EXD1: variants seen among roughly 807,000 people sequenced by gnomAD.
The protein encoded by EXD1 is exonuclease 3'-5' domain containing 1.
Under a neutral mutation model 49.1 loss-of-function variants are expected in EXD1, and 63 were observed. The ratio of observed to expected loss-of-function variants is 1.28; its 90% CI spans 1.05 to 1.58. The LOEUF is 1.58. Ranked by LOEUF, EXD1 falls within the 40% of genes most tolerant of loss-of-function variation. The pLI is 0.00. For missense variants in EXD1, 748 were observed against 666.0 expected (o/e 1.12, Z -1.36); for synonymous variants, 234 against 239.2 (o/e 0.98, Z 0.20).
rs372750856 is a variant in EXD1, at chr15:41,188,342, C to G, written c.1056+1595G>C. ...TCCCTCTCCCTCCTCTTCCCCCTCC[C>G]CTTGTCCCCTCCACTCTCCTCCCTT... On this transcript the variant is annotated intron_variant, in intron 11 of 11. Transcript: ENST00000458580. Among the ~76,000 whole-genome samples the G allele has an allele frequency of 5.6e-4, 84 of 150,992 alleles. 2 individuals carry two copies. In the South Asian group the frequency reaches 0.017, roughly 30 times the overall value.
intron 9 of EXD1, among the ~76,000 whole-genome samples, chr15:41,194,375 T>G (rs763138114): frequency 1.8e-4 from 27 of 151,942 alleles, no homozygotes; most frequent in Admixed American, 3.3e-4. Context: ...GAGAAGGTGA[T>G]GTGATGATGG....
rs1401499425 is a variant in EXD1 at position 41,183,958 on chromosome 15, C to T, written c.1692G>A (p.Trp564Ter). 2.5e-6 allele frequency: 4 copies of T among 1,605,156 alleles called. No individual in the cohort carries two copies. The highest frequency in any genetic ancestry group is 3.4e-6 in the Non-Finnish European group (4 of 1,175,494). Residue 564 changes from tryptophan to a stop codon, truncating the protein, a stop_gained, in exon 12 of 12, where the codon TGG becomes TGA. Coordinates refer to ENST00000458580, the MANE Select transcript of EXD1 (RefSeq NM_001286441.2). LOFTEE classifies it high-confidence loss of function. ...AGGGCAGATTTAGAAAAGGACTTAT[C>T]CAGGAATCGATCTTCTCCAAGGCTG... ...PCPALEKIDS[W>*]ISPFLNLP
chr15:41,192,531 G>A (rs1266560944), intron 9 of EXD1, among the ~76,000 whole-genome samples: 2 of 147,934 alleles, frequency 1.4e-5, no homozygotes, highest in African/African-American at 2.5e-5. Context: ...TCTTGACCTC[G>A]TGATCCGCCC....
chr15:41,184,200 G>A lies in EXD1; in HGVS notation c.1450C>T (p.Gln484Ter), dbSNP rs775497402. ...TTGGGTGTCATAAAGTGTTCTTTCTGAGTTATTCTCTGGTCCTCTGACCCC... is the reference window on the plus strand; with the variant it reads ...TTGGGTGTCATAAAGTGTTCTTTCTAAGTTATTCTCTGGTCCTCTGACCCC... ...SKGSEDQRIT[Q>*]KEHFMTPKHE... The change falls in exon 12 of 12, where the codon CAG (glutamine) becomes TAG (stop). Residue 484 changes from glutamine to a stop codon, truncating the protein, a stop_gained. Transcript: ENST00000458580. LOFTEE classifies it low-confidence loss of function (END_TRUNC). The A allele has an allele frequency of 7.4e-6, 12 of 1,614,166 alleles. No individual in the cohort carries two copies. In the Admixed American group the frequency reaches 1.8e-4, roughly 25 times the overall value.
chr15:41,208,442 A>G (rs8025660), intron 7 of EXD1, among the ~76,000 whole-genome samples: 15,346 of 151,068 alleles, frequency 0.1, 1,098 homozygotes, highest in East Asian at 0.2. Context: ...CTATTCTTCA[A>G]GGCTAACTAC....
chr15:41,217,490 A>T (rs1387016028), intron 3 of EXD1, among the ~76,000 whole-genome samples: 1 of 148,500 alleles, frequency 6.7e-6, no homozygotes, highest in African/African-American at 2.5e-5. Context: ...CCCAATCCTA[A>T]TGCACCTTCC....
At chr15:41,223,054 G>C (rs1461226584) in intron 2 of EXD1, among the ~76,000 whole-genome samples, 1 of 148,706 alleles carries the variant, frequency 6.7e-6, no homozygotes, top group Non-Finnish European at 1.5e-5. Flanking sequence ...GGGCTTAAGT[G>C]ATCCACCCAC....
chr15:41,199,599 A>G (rs1175032514), intron 7 of EXD1, among the ~76,000 whole-genome samples: 1 of 80,560 alleles, frequency 1.2e-5, no homozygotes, highest in Non-Finnish European at 2.1e-5. Context: ...TGTTTTATAT[A>G]TATTATATAT....
Position 41,219,875 on chromosome 15 carries a change from T to A in EXD1, c.157A>T (p.Ser53Cys). 6.5e-7 allele frequency: 1 copy of A among 1,535,698 alleles called. No homozygotes were observed. Among genetic ancestry groups the A allele is most frequent in the Non-Finnish European group, 8.7e-7 (1 of 1,146,714 alleles). The change falls in exon 3 of 12, where the codon AGT (serine) becomes TGT (cysteine). Residue 53 changes from serine to cysteine, a missense_variant. Coordinates refer to ENST00000458580, the MANE Select transcript of EXD1 (RefSeq NM_001286441.2). ...KKVKNVETGRSVPGVKLFFGH... is the reference protein window; with the variant it reads ...KKVKNVETGRCVPGVKLFFGH... ...AAAAACAACTTCACTCCTGGGACAC[T>A]TCGACCTGTCTCCACATTCTTCACT...
At chr15:41,210,873 C>A (rs1004570449) in intron 6 of EXD1, among the ~76,000 whole-genome samples, 1 of 152,114 alleles carries the variant, frequency 6.6e-6, no homozygotes, top group Non-Finnish European at 1.5e-5. Flanking sequence ...ACACTAGCAA[C>A]ATATCTCCCT....
intron 7 of EXD1, among the ~76,000 whole-genome samples, chr15:41,198,561 C>A (rs1417084715): frequency 1.3e-5 from 2 of 151,858 alleles, no homozygotes; most frequent in African/African-American, 4.8e-5. Flanking sequence ...CATGGTGGTG[C>A]ACCTGTGGTC....
At chr15:41,229,668 T>A (rs1374088593) in intron 1 of EXD1, among the ~76,000 whole-genome samples, 1 of 152,132 alleles carries the variant, frequency 6.6e-6, no homozygotes, top group Admixed American at 6.6e-5. Flanking sequence ...CTAGGGAGTC[T>A]GAGGCAGGAG....
At chr15:41,187,650 C>G (rs1260994294) in intron 11 of EXD1, among the ~76,000 whole-genome samples, 1 of 152,084 alleles carries the variant, frequency 6.6e-6, no homozygotes, top group Non-Finnish European at 1.5e-5. Context: ...TTTTGTCACA[C>G]TGAACCATGC....
intron 3 of EXD1, 140 bp downstream of exon 3, chr15:41,219,690 G>A: frequency 3.1e-6 from 2 of 646,108 alleles, no homozygotes; most frequent in Non-Finnish European, 2.6e-6. Context: ...TACTCATAGA[G>A]TACCCACAGA....
chr15:41,195,126 G>C (rs1242147527), intron 9 of EXD1, among the ~76,000 whole-genome samples: 1 of 152,180 alleles, frequency 6.6e-6, no homozygotes, highest in Admixed American at 6.6e-5. Flanking sequence ...AGAGCTAGTA[G>C]AGGTTCATGC....
chr15:41,211,794 T>TGAAAAAAAA (rs2046924933), intron 6 of EXD1, among the ~76,000 whole-genome samples: 1 of 108,934 alleles, frequency 9.2e-6, no homozygotes, highest in Non-Finnish European at 1.7e-5. Flanking sequence ...ACCTCATTTC[T>TGAAAAAAAA]TAAAAAAAAA....
chr15:41,205,815 G>A (rs1403218940), intron 7 of EXD1, among the ~76,000 whole-genome samples: 3 of 151,204 alleles, frequency 2.0e-5, no homozygotes, highest in Admixed American at 6.6e-5. Flanking sequence ...GAAGAGAAAC[G>A]ATTCTCCTTG....
chr15:41,206,474 GAAAAAAA>G (rs34195951), intron 7 of EXD1, among the ~76,000 whole-genome samples: 4 of 87,176 alleles, frequency 4.6e-5, no homozygotes, highest in Non-Finnish European at 7.8e-5. Context: ...ACCCTGTCTC[GAAAAAAA>G]AAAAAAAAAA....
chr15:41,206,618 CTTTTTTT>C (rs764744329), intron 7 of EXD1, among the ~76,000 whole-genome samples: 1 of 101,190 alleles, frequency 9.9e-6, no homozygotes, highest in Admixed American at 1.3e-4. Context: ...TTATTCAATT[CTTTTTTT>C]TTTTTTTTTT....
Sources: gnomAD v4.1 joint callset for allele counts (sites outside exome capture counted in the v4.1 genomes callset) on GRCh38, gnomAD v4.1.1 for gene constraint, MANE v1.5 for transcripts, NCBI Gene and HGNC (gene_info 2026-07-23, HGNC 2026-07-21) for gene names.